The following SMG6 variants were observed in gnomAD, a reference collection of about 807,000 sequenced individuals.
SMG6 encodes the protein SMG6 nonsense mediated mRNA decay factor.
In SMG6, 66 loss-of-function variants were observed where a neutral mutation model predicts 142.2. The ratio of observed to expected loss-of-function variants is 0.46; its 90% CI spans 0.38 to 0.57. SMG6 has a LOEUF of 0.57. Among genes scored for constraint, SMG6 ranks in the 20% least tolerant of loss-of-function variants. The pLI, the probability that SMG6 is intolerant of heterozygous loss-of-function variation, is 0.00. For synonymous variants in SMG6, 779 were observed against 702.4 expected, an observed-to-expected ratio of 1.11 and a Z score of -1.72; for missense variants, 1,793 against 1,832.0, an observed-to-expected ratio of 0.98 and a Z score of 0.39.
intron 13 of SMG6, among the ~76,000 whole-genome samples, chr17:2,172,156 A>G (rs1210057585): frequency 6.6e-6 from 1 of 152,186 alleles, no homozygotes; most frequent in East Asian, 1.9e-4. Flanking sequence ...AATAGAAACC[A>G]GGCAGTGGGG....
intron 13 of SMG6, among the ~76,000 whole-genome samples, chr17:2,161,968 T>A (rs949197753): frequency 3.0e-4 from 46 of 152,302 alleles, no homozygotes; most frequent in African/African-American, 1.1e-3. Flanking sequence ...AGAAACTATC[T>A]CAAAGGGTAA....
intron 13 of SMG6, among the ~76,000 whole-genome samples, chr17:2,094,171 T>C (rs1410296975): frequency 6.6e-6 from 1 of 152,134 alleles, no homozygotes; most frequent in Non-Finnish European, 1.5e-5. Context: ...CCCTTCACAG[T>C]GGGGTACGGG....
chr17:2,216,849 G>A (rs964123477), intron 10 of SMG6, among the ~76,000 whole-genome samples: 2 of 152,134 alleles, frequency 1.3e-5, no homozygotes, highest in Non-Finnish European at 2.9e-5. Context: ...ATTGATCTAT[G>A]AGGTTGTTAG....
At chr17:2,291,445 A>G (rs964467839) in intron 6 of SMG6, among the ~76,000 whole-genome samples, 19 of 152,192 alleles carry the variant, frequency 1.2e-4, no homozygotes, top group African/African-American at 4.6e-4. Flanking sequence ...AAAGACGGAT[A>G]TAGAGAAAAA....
At chr17:2,298,082 G>C in intron 2 of SMG6, 27 bp from the exon 3 acceptor site, 1 of 1,572,286 alleles carries the variant, frequency 6.4e-7, no homozygotes, top group South Asian at 1.2e-5. Flanking sequence ...GCAACTTCCA[G>C]CTCCAAATAC....
intron 13 of SMG6, chr17:2,088,166 A>G (rs3865240): frequency 0.67 from 658,667 of 985,168 alleles, 220,972 homozygotes; most frequent in East Asian, 0.94. Context: ...TGCCACGGAC[A>G]CATGCACAGA....
intron 12 of SMG6, among the ~76,000 whole-genome samples, chr17:2,185,285 G>A (rs978537374): frequency 6.6e-6 from 1 of 151,926 alleles, no homozygotes; most frequent in Non-Finnish European, 1.5e-5. Flanking sequence ...AGAACTTTGC[G>A]CTCAGATACA....
At chr17:2,191,107 T>C (rs1479466266) in intron 10 of SMG6, among the ~76,000 whole-genome samples, 2 of 152,228 alleles carry the variant, frequency 1.3e-5, no homozygotes, top group Non-Finnish European at 2.9e-5. Flanking sequence ...AAACATGGTC[T>C]CTGCAACCGT....
chr17:2,299,133 T>C lies in SMG6; in HGVS notation c.1620A>G (p.Pro540=), dbSNP rs2075211644. ...TCGGGTAGCCTGGGTAGTAAGGCCC[T>C]GGGTACACACCATTCGTAGGGCCCA... is the stretch of plus-strand genomic sequence containing the variant. The part of the protein sequence containing the change: ...YPVGPTNGVY[P]GPYYPGYPTP... Residue 540 remains proline, a synonymous_variant, in exon 2 of 19, where the codon CCA becomes CCG. Coordinates refer to ENST00000263073, the MANE Select transcript of SMG6 (RefSeq NM_017575.5). The surrounding 1 kb of genome is among the most constrained non-coding windows in gnomAD (Gnocchi z 4.3). 3 of 1,613,670 alleles carry C rather than the reference T, an allele frequency of 1.9e-6. No individual in the cohort carries two copies. Among genetic ancestry groups the C allele is most frequent in the Non-Finnish European group, 2.5e-6 (3 of 1,179,794 alleles).
intron 6 of SMG6, among the ~76,000 whole-genome samples, chr17:2,286,840 T>C (rs1396754575): frequency 6.6e-6 from 1 of 152,058 alleles, no homozygotes; most frequent in African/African-American, 2.4e-5. Flanking sequence ...AAGAAAATGT[T>C]TGCAAATTAT....
At chr17:2,147,849 T>G (rs1377351783) in intron 13 of SMG6, among the ~76,000 whole-genome samples, 1 of 152,154 alleles carries the variant, frequency 6.6e-6, no homozygotes, top group Non-Finnish European at 1.5e-5. Context: ...TTGGTGAGGA[T>G]GTAAAATAGT....
intron 10 of SMG6, among the ~76,000 whole-genome samples, chr17:2,228,047 A>G (rs1421635825): frequency 6.6e-6 from 1 of 152,204 alleles, no homozygotes; most frequent in East Asian, 1.9e-4. Flanking sequence ...CAAGCAAAGC[A>G]AAATTATGTG....
At chr17:2,077,505 C>T (rs2068293354) in intron 15 of SMG6, among the ~76,000 whole-genome samples, 1 of 152,124 alleles carries the variant, frequency 6.6e-6, no homozygotes, top group Admixed American at 6.5e-5. Context: ...ACAGCATGAA[C>T]AAAAACCCGA....
intron 10 of SMG6, among the ~76,000 whole-genome samples, chr17:2,193,391 T>C (rs1296975364): frequency 6.6e-6 from 1 of 152,206 alleles, no homozygotes; most frequent in African/African-American, 2.4e-5. Context: ...ACTTTATAAA[T>C]TATACAGTCT....
intron 13 of SMG6, among the ~76,000 whole-genome samples, chr17:2,132,465 T>C (rs1348059242): frequency 1.3e-5 from 2 of 152,150 alleles, no homozygotes; most frequent in Non-Finnish European, 2.9e-5. Flanking sequence ...GGGGAAGCGG[T>C]GTGGGACGAT....
At chr17:2,088,554 T>C (rs2068628038) in intron 13 of SMG6, 2 of 985,498 alleles carry the variant, frequency 2.0e-6, no homozygotes, top group South Asian at 9.4e-5. Context: ...TGTGATCTAC[T>C]GGGGTCTCTG....
At chr17:2,151,363 GA>G (rs1468480140) in intron 13 of SMG6, among the ~76,000 whole-genome samples, 2 of 152,290 alleles carry the variant, frequency 1.3e-5, no homozygotes, top group Non-Finnish European at 2.9e-5. Context: ...TTCATGAGCA[GA>G]AAAAGAAAGT....
At chr17:2,239,826 A>G (rs141755006) in intron 9 of SMG6, among the ~76,000 whole-genome samples, 34 of 152,366 alleles carry the variant, frequency 2.2e-4, no homozygotes, top group African/African-American at 7.9e-4. Flanking sequence ...TTAAAAATTA[A>G]AAGTACAAAA....
intron 1 of SMG6, chr17:2,303,085 C>T: frequency 1.0e-6 from 1 of 985,478 alleles, no homozygotes; most frequent in Non-Finnish European, 1.2e-6. Context: ...ACTGCTCCCA[C>T]ACATGCCAGG....
Sources: gnomAD v4.1 joint callset for allele counts (sites outside exome capture counted in the v4.1 genomes callset) on GRCh38, gnomAD v4.1.1 for gene constraint, Gnocchi (gnomAD v3.1) non-coding constraint, MANE v1.5 for transcripts, NCBI Gene and HGNC (gene_info 2026-07-23, HGNC 2026-07-21) for gene names.